Variants in NTM observed in about 807,000 individuals in gnomAD.
NTM encodes the protein IgLON family member 2.
In NTM, 13 loss-of-function variants were observed where a neutral mutation model predicts 42.1. The observed-to-expected ratio is 0.31, with a 90% CI of 0.20 to 0.49. The LOEUF (loss-of-function observed/expected upper bound fraction) is 0.49. Ranked by LOEUF, NTM falls within the 20% of genes least tolerant of loss-of-function variation. NTM has a pLI of 0.99. For synonymous variants in NTM, 187 were observed against 179.2 expected (o/e 1.04, Z -0.35); for missense variants, 373 against 452.8 (o/e 0.82, Z 1.60).
intron 2 of NTM, among the ~76,000 whole-genome samples, chr11:132,010,434 C>T (rs2071879695): frequency 1.3e-5 from 2 of 152,280 alleles, no homozygotes; most frequent in East Asian, 1.9e-4. Flanking sequence ...CCCTCTGCCT[C>T]ATACCTTCCC....
At chr11:131,392,901 G>T (rs1484096937) in intron 1 of NTM, among the ~76,000 whole-genome samples, 1 of 152,172 alleles carries the variant, frequency 6.6e-6, no homozygotes, top group African/African-American at 2.4e-5. Context: ...TCCCTGCAGG[G>T]CAATATGGGG....
intron 1 of NTM, among the ~76,000 whole-genome samples, chr11:131,472,879 A>T (rs892389985): frequency 6.6e-6 from 1 of 152,088 alleles, no homozygotes; most frequent in Non-Finnish European, 1.5e-5. Flanking sequence ...TACCCCCCAG[A>T]GATTGAGTCA....
intron 2 of NTM, among the ~76,000 whole-genome samples, chr11:132,095,801 C>G (rs2060904701): frequency 6.6e-6 from 1 of 152,192 alleles, no homozygotes; most frequent in Non-Finnish European, 1.5e-5. Context: ...CTCCATTAAC[C>G]TGGGGTGCTT....
intron 4 of NTM, among the ~76,000 whole-genome samples, chr11:132,283,559 T>C (rs146388835): frequency 5.2e-4 from 79 of 152,280 alleles, no homozygotes; most frequent in African/African-American, 1.7e-3. Context: ...CTATTTATGC[T>C]TGAATAACAA....
intron 1 of NTM, among the ~76,000 whole-genome samples, chr11:131,421,575 C>T (rs1402570028): frequency 2.0e-5 from 3 of 152,194 alleles, no homozygotes; most frequent in Non-Finnish European, 2.9e-5. Context: ...TATGCAGTTC[C>T]AGCCGGTTTC....
intron 2 of NTM, among the ~76,000 whole-genome samples, chr11:131,992,323 G>T (rs2135129327): frequency 6.6e-6 from 1 of 152,068 alleles, no homozygotes; most frequent in East Asian, 1.9e-4. Context: ...TGCAAAATAT[G>T]TACTGATTGA....
At chr11:132,268,968 G>T (rs184363843) in intron 4 of NTM, among the ~76,000 whole-genome samples, 1 of 151,964 alleles carries the variant, frequency 6.6e-6, no homozygotes, top group Non-Finnish European at 1.5e-5. Flanking sequence ...GGGCATAATC[G>T]AAGGATCATC....
chr11:132,104,672 G>A (rs1346127746), intron 2 of NTM, among the ~76,000 whole-genome samples: 1 of 150,720 alleles, frequency 6.6e-6, no homozygotes, highest in Non-Finnish European at 1.5e-5. Flanking sequence ...CTACTCAGGA[G>A]GACAAAGAGG....
intron 2 of NTM, among the ~76,000 whole-genome samples, chr11:131,912,695 G>GC (rs1220313102): frequency 6.6e-6 from 1 of 152,156 alleles, no homozygotes; most frequent in Non-Finnish European, 1.5e-5. Flanking sequence ...TCCAAACTAA[G>GC]CGACAGAACT....
At chr11:131,678,956 A>G (rs2071933817) in intron 1 of NTM, among the ~76,000 whole-genome samples, 1 of 152,182 alleles carries the variant, frequency 6.6e-6, no homozygotes, top group African/African-American at 2.4e-5. Context: ...CTCTGACATC[A>G]TTTTATCATA....
chr11:131,890,193 TCA>T (rs35308058), intron 1 of NTM, among the ~76,000 whole-genome samples: 3 of 150,256 alleles, frequency 2.0e-5, no homozygotes, highest in Middle Eastern at 3.5e-3. Context: ...TCTCTCTCTC[TCA>T]CACACACACA....
At chr11:131,578,747 G>C (rs1436408350) in intron 1 of NTM, among the ~76,000 whole-genome samples, 1 of 152,078 alleles carries the variant, frequency 6.6e-6, no homozygotes, top group Non-Finnish European at 1.5e-5. Context: ...TCCCTCATAG[G>C]GTGATGGTGA....
At chr11:132,247,477 TG>T (rs1425953763) in intron 4 of NTM, among the ~76,000 whole-genome samples, 10 of 152,220 alleles carry the variant, frequency 6.6e-5, no homozygotes, top group Admixed American at 5.2e-4. Flanking sequence ...TAGATACTTT[TG>T]CTTCCCTTCT....
At chr11:131,765,969 G>T (rs910683840) in intron 1 of NTM, among the ~76,000 whole-genome samples, 1 of 152,118 alleles carries the variant, frequency 6.6e-6, no homozygotes. Context: ...ATAAACTATT[G>T]ACTAGCTGTA....
intron 2 of NTM, among the ~76,000 whole-genome samples, chr11:132,112,758 C>T (rs192755733): frequency 0.014 from 1,999 of 144,006 alleles, 25 homozygotes; most frequent in Middle Eastern, 0.021. Context: ...CACACACACA[C>T]ATTACATGGC....
intron 4 of NTM, among the ~76,000 whole-genome samples, chr11:132,222,446 G>C (rs1487534496): frequency 1.3e-5 from 2 of 152,180 alleles, no homozygotes; most frequent in African/African-American, 2.4e-5. Context: ...CAGGGTATGT[G>C]TGTCCTTTCT....
chr11:131,697,950 T>C lies in NTM; in HGVS notation c.83-213614T>C, dbSNP rs577787881. Among the ~76,000 whole-genome samples, 94 of 152,290 alleles carry C rather than the reference T, an allele frequency of 6.2e-4. 1 individual carries two copies. Among genetic ancestry groups the C allele is most frequent in the African/African-American group, 2.2e-3 (91 of 41,556 alleles). On this transcript the variant is annotated intron_variant, in intron 1 of 8. Transcript: ENST00000683400. ...GCATGTTCCTCCAAAAATAGTTCTATATTTGCCTCTGTCAGGGGCTCCAGG... is the reference window on the plus strand; with the variant it reads ...GCATGTTCCTCCAAAAATAGTTCTACATTTGCCTCTGTCAGGGGCTCCAGG...
chr11:131,872,640 GA>G (rs940681705), intron 1 of NTM, among the ~76,000 whole-genome samples: 2 of 152,174 alleles, frequency 1.3e-5, no homozygotes, highest in Admixed American at 1.3e-4. Context: ...GTGTATTTAT[GA>G]GTATAAAATG....
intron 1 of NTM, among the ~76,000 whole-genome samples, chr11:131,902,638 G>A (rs969249873): frequency 7.9e-5 from 12 of 152,292 alleles, no homozygotes; most frequent in African/African-American, 2.4e-4. Flanking sequence ...CTGATCTGAT[G>A]AAACTGGTAT....
Sources: gnomAD v4.1 joint callset for allele counts (sites outside exome capture counted in the v4.1 genomes callset) on GRCh38, gnomAD v4.1.1 for gene constraint, MANE v1.5 for transcripts, NCBI Gene and HGNC (gene_info 2026-07-23, HGNC 2026-07-21) for gene names.